PBX1: variants seen among roughly 807,000 people sequenced by gnomAD.
PBX1 encodes pre-B-cell leukemia transcription factor 1.
Under a neutral mutation model 53.4 loss-of-function variants are expected in PBX1, and 6 were observed. That is an observed-to-expected ratio of 0.11 (90% CI 0.06 to 0.22). The LOEUF (loss-of-function observed/expected upper bound fraction) is 0.22, where lower values mean the gene tolerates loss of function less well. Among genes scored for constraint, PBX1 ranks in the 10% least tolerant of loss-of-function variants. The pLI, the probability that PBX1 is intolerant of heterozygous loss-of-function variation, is 1.00. For synonymous variants in PBX1, 204 were observed against 212.3 expected, an observed-to-expected ratio of 0.96 and a Z score of 0.34; for missense variants, 251 against 551.4, an observed-to-expected ratio of 0.46 and a Z score of 5.46.
intron 2 of PBX1, among the ~76,000 whole-genome samples, chr1:164,728,291 T>C (rs6667485): frequency 0.46 from 68,540 of 149,356 alleles, 16,667 homozygotes; most frequent in South Asian, 0.76. Flanking sequence ...CACTCCAGCT[T>C]GGGTGACAAA....
At chr1:164,600,632 T>C (rs1304335677) in intron 2 of PBX1, among the ~76,000 whole-genome samples, 26 of 152,206 alleles carry the variant, frequency 1.7e-4, no homozygotes, top group Admixed American at 1.7e-3. Context: ...ATTTGATTCC[T>C]GAGGCAGCCC....
chr1:164,881,383 AG>A lies in PBX1; in HGVS notation n.258-17803del, dbSNP rs1163278330. Reference sequence around the variant, plus strand: ...AAGGAGGAAAAGAAGGAAGGAAGGAAGGAAGGAAGGAAGGAGGAAAAGAAGG... The same window carrying A: ...AAGGAGGAAAAGAAGGAAGGAAGGAAGAAGGAAGGAAGGAGGAAAAGAAGG... On this transcript the variant is annotated intron_variant and non_coding_transcript_variant, in intron 2 of 2. Transcript: ENST00000558796. Among the ~76,000 whole-genome samples the A allele has an allele frequency of 4.8e-3, 135 of 28,338 alleles. 14 individuals are homozygous for A. Among genetic ancestry groups the A allele is most frequent in the Non-Finnish European group, 0.015 (108 of 7,048 alleles). The allele number at this position is 28,338 out of a possible 152,430, so 18.6% of individuals were successfully genotyped here.
At chr1:164,578,454 G>A (rs1654404004) in intron 2 of PBX1, among the ~76,000 whole-genome samples, 1 of 152,198 alleles carries the variant, frequency 6.6e-6, no homozygotes. Context: ...GGCATGATGG[G>A]ACTGAAGAGT....
chr1:164,686,585 A>T (rs1196692531), intron 2 of PBX1, among the ~76,000 whole-genome samples: 1 of 152,180 alleles, frequency 6.6e-6, no homozygotes, highest in Non-Finnish European at 1.5e-5. Flanking sequence ...TGGGGAAGGG[A>T]TTCCTCCTTG....
chr1:164,801,762 G>A (rs772118902), intron 4 of PBX1, among the ~76,000 whole-genome samples: 3 of 152,124 alleles, frequency 2.0e-5, no homozygotes, highest in Admixed American at 1.3e-4. Context: ...GATTCAAAAC[G>A]AAAACAACTA....
chr1:164,778,147 G>A (rs1667757794), intron 2 of PBX1, among the ~76,000 whole-genome samples: 1 of 152,140 alleles, frequency 6.6e-6, no homozygotes, highest in Non-Finnish European at 1.5e-5. Flanking sequence ...GGGTGATGCT[G>A]AACATTAAGA....
intron 2 of PBX1, among the ~76,000 whole-genome samples, chr1:164,659,311 G>A (rs1660349598): frequency 6.6e-6 from 1 of 152,288 alleles, no homozygotes; most frequent in Non-Finnish European, 1.5e-5. Flanking sequence ...GAGGGAAAAG[G>A]GGGTAAATCA....
At chr1:164,659,580 G>C (rs186063961) in intron 2 of PBX1, among the ~76,000 whole-genome samples, 1 of 152,312 alleles carries the variant, frequency 6.6e-6, no homozygotes, top group Admixed American at 6.5e-5. Flanking sequence ...GGTGAGTTTG[G>C]GAAGGACATC....
chr1:164,633,240 C>T (rs543653012), intron 2 of PBX1, among the ~76,000 whole-genome samples: 17 of 151,934 alleles, frequency 1.1e-4, no homozygotes, highest in Admixed American at 9.2e-4. Flanking sequence ...GTCTCTGCCT[C>T]CTGGGTTCAA....
At chr1:164,590,560 A>C (rs2101768503) in intron 2 of PBX1, 1 of 441,128 alleles carries the variant, frequency 2.3e-6, no homozygotes, top group East Asian at 7.1e-5. Context: ...CTTACTTGGC[A>C]TTGTGACCAG....
chr1:164,755,313 C>G (rs1296526327), intron 2 of PBX1, among the ~76,000 whole-genome samples: 2 of 152,134 alleles, frequency 1.3e-5, no homozygotes, highest in Non-Finnish European at 2.9e-5. Flanking sequence ...CCATGGCCAG[C>G]TAATTTTGTA....
Position 164,678,245 on chromosome 1 carries a change from A to G in PBX1, c.266-114249A>G, listed in dbSNP as rs78461987. Among the ~76,000 whole-genome samples, 230 of 152,348 alleles carry G rather than the reference A, an allele frequency of 1.5e-3. 7 individuals are homozygous for G. The East Asian group carries it at 0.043, about 28-fold the overall frequency. ...AACAAAAGACGCAAAGCTGAAGGCC[A>G]TATGATGGACTCAGCTCCTGAGCTC... is the stretch of plus-strand genomic sequence containing the variant. On this transcript the variant is annotated intron_variant, in intron 2 of 8. Coordinates refer to ENST00000420696, the MANE Select transcript of PBX1 (RefSeq NM_002585.4).
intron 2 of PBX1, among the ~76,000 whole-genome samples, chr1:164,711,613 G>A (rs1430089976): frequency 1.3e-5 from 2 of 152,186 alleles, no homozygotes; most frequent in African/African-American, 4.8e-5. Flanking sequence ...ACACCAGTCA[G>A]TTGGCTTTCT....
chr1:164,826,500 G>A (rs1446571659), intron 8 of PBX1, among the ~76,000 whole-genome samples: 1 of 152,034 alleles, frequency 6.6e-6, no homozygotes, highest in Non-Finnish European at 1.5e-5. Context: ...TGCCTCCTGG[G>A]TTCAAGCGAT....
chr1:164,739,323 A>G (rs1665470306), intron 2 of PBX1, among the ~76,000 whole-genome samples: 1 of 152,194 alleles, frequency 6.6e-6, no homozygotes, highest in African/African-American at 2.4e-5. Context: ...AAGCTCAAGA[A>G]ATACGTGGTT....
At chr1:164,666,953 C>T (rs1270613895) in intron 2 of PBX1, among the ~76,000 whole-genome samples, 5 of 152,216 alleles carry the variant, frequency 3.3e-5, no homozygotes, top group Non-Finnish European at 7.4e-5. Context: ...GTTATGGAAC[C>T]CTCTTTGTCA....
At chr1:164,853,705 GCCA>G (rs1373936265), downstream of PBX1, among the ~76,000 whole-genome samples, 4 of 152,136 alleles carry the variant, frequency 2.6e-5, no homozygotes, top group Non-Finnish European at 5.9e-5. Flanking sequence ...GTACGTTAGG[GCCA>G]CCTTGTTGCC....
intron 2 of PBX1, chr1:164,641,937 C>A (rs1036686551): frequency 3.5e-4 from 53 of 152,258 alleles, no homozygotes; most frequent in African/African-American, 1.2e-3. Flanking sequence ...CTCAGTAGTA[C>A]CCCTGGAAAA....
intron 2 of PBX1, among the ~76,000 whole-genome samples, chr1:164,629,810 T>C (rs1020367457): frequency 9.2e-5 from 14 of 151,998 alleles, no homozygotes; most frequent in African/African-American, 3.4e-4. Flanking sequence ...TCTTAATTCT[T>C]TTTCCAACAA....
Sources: gnomAD v4.1 joint callset for allele counts (sites outside exome capture counted in the v4.1 genomes callset) on GRCh38, gnomAD v4.1.1 for gene constraint, MANE v1.5 for transcripts, NCBI Gene and HGNC (gene_info 2026-07-23, HGNC 2026-07-21) for gene names.